The following LOC400499 variants were observed in gnomAD, a reference collection of about 807,000 sequenced individuals.
At chr16:11,377,189 T>C in the LOC400499 span, among the ~76,000 whole-genome samples, 1 of 152,256 alleles carries the variant, frequency 6.6e-6, no homozygotes, top group African/African-American at 2.4e-5. Context: ...GACTTTTGTA[T>C]GTTGATTTTG....
the LOC400499 span, chr16:11,518,857 C>T: frequency 2.5e-6 from 1 of 399,172 alleles, no homozygotes; most frequent in Non-Finnish European, 4.4e-6. Context: ...ACAGCTCCAG[C>T]CCCATCGTGA....
the LOC400499 span, chr16:11,414,552 T>A: frequency 3.5e-5 from 14 of 399,262 alleles, no homozygotes; most frequent in East Asian, 5.0e-4. Flanking sequence ...CAGCTTCACC[T>A]CCCTTCCCAG....
the LOC400499 span, among the ~76,000 whole-genome samples, chr16:11,382,662 A>G: frequency 3.3e-5 from 5 of 152,196 alleles, no homozygotes; most frequent in African/African-American, 9.6e-5. Flanking sequence ...ATCCCTGATG[A>G]GGCTGGGCGT....
chr16:11,475,054 G>C, the LOC400499 span, among the ~76,000 whole-genome samples: 1 of 152,194 alleles, frequency 6.6e-6, no homozygotes, highest in African/African-American at 2.4e-5. Context: ...GATTTATTGA[G>C]CAAGTATGAA....
At chr16:11,469,287 G>C in the LOC400499 span, 5 of 399,074 alleles carry the variant, frequency 1.3e-5, no homozygotes, top group East Asian at 3.6e-5. Context: ...TAGAGACAAG[G>C]GTTCAACATC....
the LOC400499 span, among the ~76,000 whole-genome samples, chr16:11,504,894 GCCTGGGCGAAAGAGCAAGAC>G: frequency 6.6e-6 from 1 of 152,222 alleles, no homozygotes; most frequent in Non-Finnish European, 1.5e-5. Context: ...CTGCACTCCA[GCCTGGGCGAAAGAGCAAGAC>G]CCTGTCTCGA....
chr16:11,424,765 G>C, the LOC400499 span, among the ~76,000 whole-genome samples: 1 of 152,158 alleles, frequency 6.6e-6, no homozygotes, highest in Non-Finnish European at 1.5e-5. Context: ...GGGCTGTTGG[G>C]ATTATTTCAT....
chr16:11,466,218 T>C, the LOC400499 span, among the ~76,000 whole-genome samples: 1 of 152,098 alleles, frequency 6.6e-6, no homozygotes, highest in East Asian at 1.9e-4. Flanking sequence ...CTAACAGTGG[T>C]TGGCTTTCAG....
At chr16:11,445,421 C>CAA in the LOC400499 span, among the ~76,000 whole-genome samples, 508 of 136,258 alleles carry the variant, frequency 3.7e-3, 1 homozygote, top group African/African-American at 0.013. Flanking sequence ...ACTCTTTCTC[C>CAA]AAAAAAAAAA....
chr16:11,385,364 T>C, the LOC400499 span: 123 of 1,232,102 alleles, frequency 1.0e-4, no homozygotes, highest in Middle Eastern at 3.1e-4. Flanking sequence ...TGAGGTCCCA[T>C]ACCCGGCCGT....
the LOC400499 span, among the ~76,000 whole-genome samples, chr16:11,520,254 T>G: frequency 7.7e-4 from 117 of 152,258 alleles, no homozygotes; most frequent in African/African-American, 2.7e-3. Flanking sequence ...ATATTATATT[T>G]TAATCACAGT....
chr16:11,448,928 G>C, the LOC400499 span: 2 of 1,480,118 alleles, frequency 1.4e-6, no homozygotes, highest in South Asian at 2.5e-5. Flanking sequence ...CCCACTCCAG[G>C]TGCCTGTAGG....
chr16:11,493,662 C>T, the LOC400499 span: 2 of 397,344 alleles, frequency 5.0e-6, no homozygotes, highest in Admixed American at 4.4e-5. Flanking sequence ...AGCAGGGGAC[C>T]CTTCGGAAGG....
the LOC400499 span, among the ~76,000 whole-genome samples, chr16:11,437,495 G>A: frequency 2.6e-5 from 4 of 152,202 alleles, no homozygotes; most frequent in Non-Finnish European, 5.9e-5. Context: ...GGTGGTGGAG[G>A]CTGCAGTGAG....
At chr16:11,449,229 C>T in the LOC400499 span, 64 of 874,340 alleles carry the variant, frequency 7.3e-5, no homozygotes, top group African/African-American at 9.2e-4. Flanking sequence ...CCCTTCAATG[C>T]CATTTCTCTG....
chr16:11,485,444 G>A, the LOC400499 span, among the ~76,000 whole-genome samples: 1 of 152,122 alleles, frequency 6.6e-6, no homozygotes, highest in Non-Finnish European at 1.5e-5. Context: ...GAGGGCAAGG[G>A]CTCGTGTATC....
At chr16:11,505,097 C>T in the LOC400499 span, among the ~76,000 whole-genome samples, 1 of 151,496 alleles carries the variant, frequency 6.6e-6, no homozygotes, top group Non-Finnish European at 1.5e-5. Flanking sequence ...GAACCCAGGG[C>T]ACCAGCTCCT....
chr16:11,445,535 G>A, the LOC400499 span, among the ~76,000 whole-genome samples: 1 of 152,174 alleles, frequency 6.6e-6, no homozygotes, highest in South Asian at 2.1e-4. Flanking sequence ...TAAAAGATGA[G>A]TAGAAGGGAG....
chr16:11,496,586 G>A, the LOC400499 span, among the ~76,000 whole-genome samples: 2 of 152,170 alleles, frequency 1.3e-5, no homozygotes, highest in African/African-American at 4.8e-5. Flanking sequence ...TGTATTTCCT[G>A]GTGGATGCCT....
Sources: gnomAD v4.1 joint callset for allele counts (sites outside exome capture counted in the v4.1 genomes callset) on GRCh38, gnomAD v4.1.1 for gene constraint, MANE v1.5 for transcripts.